CYP7B1: variants seen among roughly 807,000 people sequenced by gnomAD.
CYP7B1 encodes the protein cytochrome P450 7B1.
A neutral mutation model predicts 42.7 loss-of-function variants in CYP7B1; 29 were observed. The ratio of observed to expected loss-of-function variants is 0.68; its 90% CI spans 0.51 to 0.93. The LOEUF is 0.93. Among genes scored for constraint, CYP7B1 ranks in the 40% least tolerant of loss-of-function variants. The pLI is 0.00. For synonymous variants in CYP7B1, 235 were observed against 218.2 expected (o/e 1.08, Z -0.68); for missense variants, 655 against 600.5 (o/e 1.09, Z -0.95).
At chr8:64,686,394 G>A (rs1323632641) in intron 1 of CYP7B1, among the ~76,000 whole-genome samples, 4 of 35,388 alleles carry the variant, frequency 1.1e-4, no homozygotes, top group Admixed American at 5.9e-4. Context: ...CGCCCCGTCC[G>A]GGAGGGAGGT....
At chr8:64,607,194 C>T (rs955446102) in intron 4 of CYP7B1, among the ~76,000 whole-genome samples, 9 of 152,162 alleles carry the variant, frequency 5.9e-5, no homozygotes, top group African/African-American at 2.2e-4. Context: ...CCTTCTCACA[C>T]ATGAGGTGCT....
intron 1 of CYP7B1, among the ~76,000 whole-genome samples, chr8:64,651,129 G>A (rs150741313): frequency 1.2e-3 from 190 of 152,262 alleles, no homozygotes; most frequent in African/African-American, 4.5e-3. Flanking sequence ...AATGTTTTAG[G>A]GGTTGCTTAA....
intron 1 of CYP7B1, among the ~76,000 whole-genome samples, chr8:64,748,978 G>A (rs1446703584): frequency 3.3e-5 from 5 of 152,062 alleles, no homozygotes; most frequent in African/African-American, 1.2e-4. Flanking sequence ...AAAGCACAAA[G>A]GTTAACCTAA....
At chr8:64,765,088 G>A (rs1283165477) in intron 1 of CYP7B1, among the ~76,000 whole-genome samples, 1 of 151,344 alleles carries the variant, frequency 6.6e-6, no homozygotes, top group East Asian at 1.9e-4. Context: ...AAAGTTGTTT[G>A]TACTCAGCCA....
At chr8:64,792,762 A>T (rs749986128) in intron 1 of CYP7B1, among the ~76,000 whole-genome samples, 4 of 152,200 alleles carry the variant, frequency 2.6e-5, no homozygotes, top group African/African-American at 9.7e-5. Context: ...GATGATTTAG[A>T]TGATGAGATC....
chr8:64,633,413 GT>G (rs1381864495), intron 1 of CYP7B1, among the ~76,000 whole-genome samples: 1 of 152,000 alleles, frequency 6.6e-6, no homozygotes, highest in East Asian at 1.9e-4. Flanking sequence ...AAGTTGCAAG[GT>G]ACAAGATTAA....
At chr8:64,798,281 G>C (rs1804738147) in intron 1 of CYP7B1, among the ~76,000 whole-genome samples, 185 bp downstream of exon 1, 1 of 152,228 alleles carries the variant, frequency 6.6e-6, no homozygotes, top group Admixed American at 6.5e-5. Context: ...ATATGTACGC[G>C]TATGTGTGGG....
At chr8:64,715,600 C>G (rs1469934022) in intron 1 of CYP7B1, among the ~76,000 whole-genome samples, 1 of 152,122 alleles carries the variant, frequency 6.6e-6, no homozygotes, top group Non-Finnish European at 1.5e-5. Flanking sequence ...CCGTTCCTCA[C>G]ACCCCTACAA....
At chr8:64,707,764 T>C (rs1807022302) in intron 1 of CYP7B1, among the ~76,000 whole-genome samples, 1 of 152,096 alleles carries the variant, frequency 6.6e-6, no homozygotes, top group Non-Finnish European at 1.5e-5. Flanking sequence ...AACAAAATTC[T>C]CTCTGCTATG....
chr8:64,795,624 A>C (rs964302762), intron 1 of CYP7B1, among the ~76,000 whole-genome samples: 1 of 152,224 alleles, frequency 6.6e-6, no homozygotes, highest in Non-Finnish European at 1.5e-5. Context: ...CAAAACCAAA[A>C]AAAAGGGAAA....
chr8:64,741,710 G>A (rs1301721748), intron 1 of CYP7B1, among the ~76,000 whole-genome samples: 4 of 152,208 alleles, frequency 2.6e-5, no homozygotes, highest in Non-Finnish European at 5.9e-5. Context: ...CATACCAGCA[G>A]TAAAATTGGA....
intron 1 of CYP7B1, among the ~76,000 whole-genome samples, chr8:64,653,229 T>A (rs1384815129): frequency 6.6e-6 from 1 of 151,664 alleles, no homozygotes; most frequent in Non-Finnish European, 1.5e-5. Flanking sequence ...CTTGAAAAAA[T>A]TAATAAGATA....
chr8:64,764,229 G>GCTCCC (rs1554539986), intron 1 of CYP7B1, among the ~76,000 whole-genome samples: 3 of 125,150 alleles, frequency 2.4e-5, no homozygotes, highest in African/African-American at 9.2e-5. Flanking sequence ...CTTCCACGCT[G>GCTCCC]CCCCCCCCAC....
chr8:64,665,785 C>G (rs551136491), intron 1 of CYP7B1, among the ~76,000 whole-genome samples: 1 of 151,484 alleles, frequency 6.6e-6, no homozygotes, highest in African/African-American at 2.4e-5. Context: ...CATGTTGGTC[C>G]GGCTGGTCTC....
intron 1 of CYP7B1, among the ~76,000 whole-genome samples, chr8:64,742,490 T>C (rs972747228): frequency 2.6e-5 from 4 of 152,230 alleles, no homozygotes; most frequent in African/African-American, 9.6e-5. Context: ...ATTAGAATTT[T>C]ATATTCTCTG....
At position 64,593,877 on chromosome 8, in the gene CYP7B1, T is replaced by G. The variant is rs954533310; in HGVS notation, c.*2765A>C. ...AAGATATTATAAAAAATAAGCAGCA[T>G]ATATGAAGAACAAAAGGGAATCGTA... On this transcript the variant is annotated 3_prime_UTR_variant, in exon 6 of 6. Transcript: ENST00000310193. Among the ~76,000 whole-genome samples, 1 of 152,122 alleles carries G rather than the reference T, an allele frequency of 6.6e-6. No homozygotes were observed.
At chr8:64,752,789 T>C (rs1397670271) in intron 1 of CYP7B1, among the ~76,000 whole-genome samples, 1 of 152,220 alleles carries the variant, frequency 6.6e-6, no homozygotes, top group East Asian at 1.9e-4. Flanking sequence ...ATAATTTCTC[T>C]TGCAATTCAT....
chr8:64,742,344 A>C (rs982859899), intron 1 of CYP7B1, among the ~76,000 whole-genome samples: 38 of 152,192 alleles, frequency 2.5e-4, no homozygotes, highest in African/African-American at 9.1e-4. Flanking sequence ...TCCTATTTTT[A>C]TATTTGCGGA....
chr8:64,715,909 G>A (rs1807147906), intron 1 of CYP7B1, among the ~76,000 whole-genome samples: 1 of 152,150 alleles, frequency 6.6e-6, no homozygotes, highest in East Asian at 1.9e-4. Context: ...GTGAGTTCAG[G>A]CTACTGGTAA....
Sources: gnomAD v4.1 joint callset for allele counts (sites outside exome capture counted in the v4.1 genomes callset) on GRCh38, gnomAD v4.1.1 for gene constraint, MANE v1.5 for transcripts, NCBI Gene and HGNC (gene_info 2026-07-23, HGNC 2026-07-21) for gene names.